The following FRMD4A variants were observed in gnomAD, a reference collection of about 807,000 sequenced individuals.
The protein encoded by FRMD4A is FERM domain containing 4A.
Under a neutral mutation model 129.1 loss-of-function variants are expected in FRMD4A, and 29 were observed. The observed-to-expected ratio is 0.22, with a 90% CI of 0.17 to 0.31. The LOEUF is 0.31. Among genes scored for constraint, FRMD4A ranks in the 10% least tolerant of loss-of-function variants. FRMD4A has a pLI of 1.00. For missense variants in FRMD4A, 1,272 were observed against 1,375.8 expected (o/e 0.92, Z 1.19); for synonymous variants, 634 against 571.6 (o/e 1.11, Z -1.56).
chr10:14,270,624 C>G (rs1044274177), intron 2 of FRMD4A, among the ~76,000 whole-genome samples: 5 of 152,212 alleles, frequency 3.3e-5, no homozygotes, highest in African/African-American at 1.2e-4. Flanking sequence ...ACTCTCAAAG[C>G]TGCTCATGAT....
At chr10:13,895,096 T>C (rs2094742552) in intron 2 of FRMD4A, among the ~76,000 whole-genome samples, 1 of 152,224 alleles carries the variant, frequency 6.6e-6, no homozygotes, top group Admixed American at 6.5e-5. Flanking sequence ...TTAAAAAAGT[T>C]GTATTTAAGT....
chr10:13,679,420 C>CT (rs1393487006), intron 15 of FRMD4A, among the ~76,000 whole-genome samples: 2 of 75,128 alleles, frequency 2.7e-5, no homozygotes, highest in African/African-American at 1.1e-4. Context: ...GAGTGAGACT[C>CT]TGTCTCAAAA....
At chr10:14,174,020 T>G (rs1841605738) in intron 2 of FRMD4A, among the ~76,000 whole-genome samples, 1 of 152,110 alleles carries the variant, frequency 6.6e-6, no homozygotes, top group Non-Finnish European at 1.5e-5. Context: ...ACCTTCGTCC[T>G]CATCGGAGAC....
chr10:14,242,335 C>T (rs1350483576), intron 2 of FRMD4A, among the ~76,000 whole-genome samples: 3 of 152,166 alleles, frequency 2.0e-5, no homozygotes, highest in East Asian at 3.8e-4. Flanking sequence ...AAGTCAGACG[C>T]TAACTCAAAT....
At chr10:13,982,854 C>T (rs991244849) in intron 2 of FRMD4A, among the ~76,000 whole-genome samples, 2 of 152,194 alleles carry the variant, frequency 1.3e-5, no homozygotes, top group East Asian at 1.9e-4. Context: ...TAATTTTCAG[C>T]GAACTTTCTG....
intron 2 of FRMD4A, among the ~76,000 whole-genome samples, chr10:14,187,553 A>T (rs1271740772): frequency 6.6e-6 from 1 of 152,154 alleles, no homozygotes; most frequent in East Asian, 1.9e-4. Flanking sequence ...CCCCAAATTG[A>T]CATAGAAAAA....
intron 2 of FRMD4A, among the ~76,000 whole-genome samples, chr10:14,201,492 G>T (rs141726302): frequency 6.6e-6 from 1 of 152,132 alleles, no homozygotes; most frequent in African/African-American, 2.4e-5. Context: ...ATACAGACTC[G>T]CTTTTCACAA....
At chr10:14,288,405 T>A (rs1287356832) in intron 2 of FRMD4A, among the ~76,000 whole-genome samples, 2 of 152,106 alleles carry the variant, frequency 1.3e-5, no homozygotes, top group African/African-American at 4.8e-5. Context: ...TGAAGGGAAC[T>A]ATGTGCAACT....
rs545118715 is a variant in FRMD4A, at chr10:13,985,561, G to A, written c.46-126649C>T. Among the ~76,000 whole-genome samples the A allele has an allele frequency of 7.9e-5, 12 of 152,368 alleles. No individual in the cohort carries two copies. The South Asian group carries it at 2.5e-3, about 32-fold the overall frequency. ...AGGTTGGGATGCCGGAGAGAGAATA[G>A]GATCCTTTTAGATGTGAAGAAGGGC... On this transcript the variant is annotated intron_variant, in intron 2 of 24. Coordinates refer to ENST00000357447, the MANE Select transcript of FRMD4A (RefSeq NM_018027.5).
intron 12 of FRMD4A, chr10:13,727,898 A>C (rs1222881205): frequency 6.7e-6 from 1 of 149,172 alleles, no homozygotes; most frequent in Non-Finnish European, 1.5e-5. Flanking sequence ...TTAGTGCTCG[A>C]ACACTATTGC....
intron 2 of FRMD4A, among the ~76,000 whole-genome samples, chr10:14,010,765 C>T (rs1326783403): frequency 6.7e-6 from 1 of 148,870 alleles, no homozygotes; most frequent in Non-Finnish European, 1.5e-5. Flanking sequence ...TCGCTTCGGC[C>T]CCCCAAAGTG....
chr10:13,877,717 A>G (rs1316955819), intron 2 of FRMD4A, among the ~76,000 whole-genome samples: 1 of 152,168 alleles, frequency 6.6e-6, no homozygotes, highest in South Asian at 2.1e-4. Context: ...GCTGGCAGGG[A>G]CTTCTTGGTC....
chr10:14,277,371 T>G lies in FRMD4A; in HGVS notation c.45+52687A>C, dbSNP rs1038394346. ...GGGGGCGGTTAGGAGGTGATTAGGT[T>G]ATGAGGGTAGAACTATTATGAATGG... On this transcript the variant is annotated intron_variant, in intron 2 of 24. Coordinates refer to ENST00000357447, the MANE Select transcript of FRMD4A (RefSeq NM_018027.5). Among the ~76,000 whole-genome samples the G allele has an allele frequency of 1.2e-4, 19 of 152,256 alleles. No homozygotes were observed. The South Asian group carries it at 2.3e-3, about 18-fold the overall frequency.
chr10:14,297,442 C>T (rs921292043), intron 2 of FRMD4A, among the ~76,000 whole-genome samples: 41 of 151,988 alleles, frequency 2.7e-4, no homozygotes, highest in Non-Finnish European at 8.8e-5. Context: ...GTCAAAAAGG[C>T]AGAGAGGGAA....
At chr10:13,654,284 T>G (rs2081944698) in intron 23 of FRMD4A, 132 bp downstream of exon 23, 1 of 713,800 alleles carries the variant, frequency 1.4e-6, no homozygotes, top group Non-Finnish European at 2.5e-6. Context: ...GGGGCTTCTC[T>G]TGAAAGGAAG....
At chr10:14,231,694 T>A (rs1390746708) in intron 2 of FRMD4A, among the ~76,000 whole-genome samples, 1 of 152,228 alleles carries the variant, frequency 6.6e-6, no homozygotes, top group Non-Finnish European at 1.5e-5. Flanking sequence ...TGTTGAGCAT[T>A]TTTTCTTATG....
intron 2 of FRMD4A, among the ~76,000 whole-genome samples, chr10:14,065,652 C>G (rs190699876): frequency 6.6e-6 from 1 of 152,066 alleles, no homozygotes; most frequent in Admixed American, 6.5e-5. Flanking sequence ...ACTAAAATAT[C>G]GAGAAACAGA....
intron 2 of FRMD4A, among the ~76,000 whole-genome samples, chr10:14,204,113 GGA>G (rs1162958840): frequency 1.3e-5 from 2 of 152,142 alleles, no homozygotes; most frequent in African/African-American, 2.4e-5. Flanking sequence ...AAGGAAGAAA[GGA>G]GAGACTCACT....
At chr10:14,222,433 C>T (rs1423073132) in intron 2 of FRMD4A, among the ~76,000 whole-genome samples, 2 of 152,004 alleles carry the variant, frequency 1.3e-5, no homozygotes, top group Non-Finnish European at 2.9e-5. Context: ...ATCCAGTTGC[C>T]CAATCATCAG....
Sources: allele counts gnomAD v4.1 joint callset (sites outside exome capture counted in the v4.1 genomes callset), GRCh38; gene constraint gnomAD v4.1.1; transcripts MANE v1.5; gene names NCBI Gene and HGNC (gene_info 2026-07-23, HGNC 2026-07-21).